Variants in GTF2B observed in about 807,000 individuals in gnomAD.
The protein encoded by GTF2B is general transcription factor IIB.
GTF2B carries 20 observed loss-of-function variants against 34.6 expected under a neutral mutation model. The observed-to-expected ratio is 0.58, with a 90% CI of 0.41 to 0.84. The LOEUF (loss-of-function observed/expected upper bound fraction) is 0.84. Among genes scored for constraint, GTF2B ranks in the 40% least tolerant of loss-of-function variants. GTF2B has a pLI of 0.00. For missense variants in GTF2B, 237 were observed against 393.3 expected (o/e 0.60, Z 3.36); for synonymous variants, 142 against 132.4 (o/e 1.07, Z -0.50).
chr1:88,859,058 G>A (rs1481643894), intron 5 of GTF2B, among the ~76,000 whole-genome samples: 1 of 151,908 alleles, frequency 6.6e-6, no homozygotes, highest in Non-Finnish European at 1.5e-5. Context: ...AGTAGAGACG[G>A]GGTTTCACCA....
chr1:88,853,781 C>A (rs548084990), intron 6 of GTF2B, among the ~76,000 whole-genome samples: 1 of 152,064 alleles, frequency 6.6e-6, no homozygotes, highest in East Asian at 1.9e-4. Context: ...TCCAGCCTGG[C>A]GAGAGAGCAA....
At chr1:88,875,874 T>C (rs1673806686) in intron 2 of GTF2B, among the ~76,000 whole-genome samples, 1 of 152,196 alleles carries the variant, frequency 6.6e-6, no homozygotes, top group South Asian at 2.1e-4. Context: ...AAAAAGGTTT[T>C]TAAGTCCCAT....
At chr1:88,872,497 T>C (rs935870522) in intron 2 of GTF2B, among the ~76,000 whole-genome samples, 7 of 151,380 alleles carry the variant, frequency 4.6e-5, no homozygotes, top group Non-Finnish European at 1.0e-4. Context: ...GTAACCTTTT[T>C]ACTGGTTGGT....
At chr1:88,885,979 G>T (rs867619422) in intron 2 of GTF2B, among the ~76,000 whole-genome samples, 75 of 152,192 alleles carry the variant, frequency 4.9e-4, no homozygotes, top group African/African-American at 1.8e-3. Context: ...CAGTCTTCTA[G>T]ACTACCTAAA....
chr1:88,863,555 C>T (rs1013066241), intron 3 of GTF2B, among the ~76,000 whole-genome samples: 1 of 152,020 alleles, frequency 6.6e-6, no homozygotes, highest in African/African-American at 2.4e-5. Context: ...TGGGGTTTCA[C>T]CATATTTGCC....
intron 5 of GTF2B, among the ~76,000 whole-genome samples, chr1:88,859,195 C>G (rs1673383660): frequency 6.6e-6 from 1 of 152,194 alleles, no homozygotes; most frequent in Admixed American, 6.5e-5. Flanking sequence ...GCTTGACTCC[C>G]TCATCTACAG....
intron 2 of GTF2B, among the ~76,000 whole-genome samples, chr1:88,867,688 C>A (rs1460221427): frequency 6.6e-6 from 1 of 152,112 alleles, no homozygotes; most frequent in Non-Finnish European, 1.5e-5. Context: ...AAAGATAAAC[C>A]ATTAGTTAGC....
chr1:88,871,836 A>C (rs927366009), intron 2 of GTF2B, among the ~76,000 whole-genome samples: 5 of 152,062 alleles, frequency 3.3e-5, no homozygotes, highest in African/African-American at 9.7e-5. Context: ...GGTTCAAGCA[A>C]TTCTCCTAAT....
chr1:88,885,333 G>A (rs977660728), intron 2 of GTF2B, among the ~76,000 whole-genome samples: 3 of 152,040 alleles, frequency 2.0e-5, no homozygotes, highest in African/African-American at 4.8e-5. Context: ...CCAGCTATTC[G>A]GGAGGCTGAG....
intron 2 of GTF2B, among the ~76,000 whole-genome samples, chr1:88,864,769 C>G (rs1299190275): frequency 1.3e-5 from 2 of 152,218 alleles, no homozygotes; most frequent in African/African-American, 2.4e-5. Flanking sequence ...TGAGAAAGCT[C>G]AATGTCTGGC....
At chr1:88,863,918 T>C in intron 3 of GTF2B, 63 bp downstream of exon 3, 1 of 1,504,038 alleles carries the variant, frequency 6.6e-7, no homozygotes, top group Middle Eastern at 1.7e-4. Flanking sequence ...TTTGCAAAGT[T>C]CCCAAACTCT....
At chr1:88,883,445 T>C (rs889734947) in intron 2 of GTF2B, among the ~76,000 whole-genome samples, 2 of 152,120 alleles carry the variant, frequency 1.3e-5, no homozygotes, top group Admixed American at 1.3e-4. Context: ...CTGAGCATGA[T>C]AGCTCACACC....
chr1:88,885,585 TA>T lies in GTF2B; in HGVS notation c.124+1675del, dbSNP rs550033533. Among the ~76,000 whole-genome samples the T allele has an allele frequency of 3.8e-3, 569 of 151,400 alleles. 6 individuals carry two copies. The highest frequency in any genetic ancestry group is 0.013 in the African/African-American group (543 of 41,246). On this transcript the variant is annotated intron_variant, in intron 2 of 6. Coordinates refer to ENST00000370500, the MANE Select transcript of GTF2B (RefSeq NM_001514.6). Reference sequence around the variant, plus strand: ...CAATGTGGAGAAACACCGTCTCTACTAAAAAAAATACAAAATTAGCTGGGCA... The same window carrying T: ...CAATGTGGAGAAACACCGTCTCTACTAAAAAAATACAAAATTAGCTGGGCA...
At position 88,873,394 on chromosome 1, in the gene GTF2B, T is replaced by G. The variant is rs113576702; in HGVS notation, c.125-9280A>C. 7.0e-3 allele frequency among the ~76,000 whole-genome samples: 1,066 copies of G among 151,692 alleles called. 13 individuals carry two copies. The highest frequency in any genetic ancestry group is 0.025 in the African/African-American group (1,017 of 41,296). On this transcript the variant is annotated intron_variant, in intron 2 of 6. Transcript: ENST00000370500. The stretch of plus-strand genomic sequence containing the variant: ...TTTTGTATTTTTAGTAGAGACGAGG[T>G]TTCAACATGTTGGTCAGGCTGGTCT...
At chr1:88,883,027 T>C (rs953906754) in intron 2 of GTF2B, among the ~76,000 whole-genome samples, 3 of 152,238 alleles carry the variant, frequency 2.0e-5, no homozygotes, top group Non-Finnish European at 4.4e-5. Flanking sequence ...TATGTGGTAA[T>C]GAACATCCTA....
chr1:88,857,154 C>A lies in GTF2B; in HGVS notation c.817+52G>T, dbSNP rs539681319. ...TTCAGACTTAAAATGGAAAAACAAT[C>A]ACATGCTGCAAATTTCAGTTTACTG... On this transcript the variant is annotated intron_variant, in intron 6 of 6. Coordinates refer to ENST00000370500, the MANE Select transcript of GTF2B (RefSeq NM_001514.6). 2.8e-5 allele frequency: 42 copies of A among 1,506,956 alleles called. No individual in the cohort carries two copies. The East Asian group carries it at 6.8e-4, about 24-fold the overall frequency. 93.3% of individuals were successfully genotyped at this position (1,506,956 alleles called of 1,614,324 possible). A position where few individuals can be genotyped will look rare whatever the true frequency, so the allele number is the denominator to read the frequency against.
At chr1:88,872,051 C>A (rs1350266032) in intron 2 of GTF2B, among the ~76,000 whole-genome samples, 1 of 152,140 alleles carries the variant, frequency 6.6e-6, no homozygotes, top group Non-Finnish European at 1.5e-5. Context: ...TGTTCTATGG[C>A]TTCCTTTTTG....
intron 5 of GTF2B, among the ~76,000 whole-genome samples, chr1:88,859,003 G>A (rs1673379349): frequency 6.6e-6 from 1 of 151,984 alleles, no homozygotes; most frequent in South Asian, 2.1e-4. Context: ...GAGTAGCTGG[G>A]ACTACAGGCG....
At chr1:88,864,207 G>C (rs1346395606) in intron 2 of GTF2B, 93 bp from the exon 3 acceptor site, 2 of 1,153,632 alleles carry the variant, frequency 1.7e-6, no homozygotes, top group Non-Finnish European at 2.6e-6. Flanking sequence ...TTTATTCCCA[G>C]GAAATCTCAA....
Sources: allele counts gnomAD v4.1 joint callset (sites outside exome capture counted in the v4.1 genomes callset), GRCh38; gene constraint gnomAD v4.1.1; transcripts MANE v1.5; gene names NCBI Gene and HGNC (gene_info 2026-07-23, HGNC 2026-07-21).